BCCIP: variants seen among roughly 807,000 people sequenced by gnomAD.
BCCIP encodes the protein BRCA2 and CDKN1A interacting protein.
BCCIP carries 23 observed loss-of-function variants against 32.8 expected under a neutral mutation model. The observed-to-expected ratio is 0.70, with a 90% CI of 0.51 to 0.99. BCCIP has a LOEUF of 0.99. Among genes scored for constraint, BCCIP ranks in the 50% least tolerant of loss-of-function variants. The pLI, the probability that BCCIP is intolerant of heterozygous loss-of-function variation, is 0.00. For synonymous variants in BCCIP, 144 were observed against 137.6 expected (o/e 1.05, Z -0.33); for missense variants, 378 against 379.8 (o/e 1.00, Z 0.04).
chr10:125,850,398 C>T (rs1254441697), intron 7 of BCCIP, among the ~76,000 whole-genome samples: 1 of 142,450 alleles, frequency 7.0e-6, no homozygotes, highest in Non-Finnish European at 1.5e-5. Context: ...GCTCTTGTTG[C>T]CCAGGCTGCA....
exon 8 of BCCIP, chr10:125,853,312 T>C (rs1489579119): frequency 2.3e-6 from 2 of 854,762 alleles, no homozygotes; most frequent in African/African-American, 1.7e-5. Flanking sequence ...CTAGTAATGG[T>C]AAATTAGTCA....
chr10:125,850,111 G>A (rs1388860559), intron 7 of BCCIP, among the ~76,000 whole-genome samples: 8 of 149,666 alleles, frequency 5.3e-5, no homozygotes, highest in Admixed American at 2.0e-4. Flanking sequence ...TACTACAGGC[G>A]TATGCCACCA....
chr10:125,835,699 C>G (rs1038727298), intron 6 of BCCIP, among the ~76,000 whole-genome samples: 1 of 152,142 alleles, frequency 6.6e-6, no homozygotes, highest in African/African-American at 2.4e-5. Flanking sequence ...TTTACTCTGT[C>G]TTCACACAAA....
At chr10:125,827,663 C>T in intron 3 of BCCIP, 25 bp downstream of exon 3, 1 of 1,510,568 alleles carries the variant, frequency 6.6e-7, no homozygotes, top group Non-Finnish European at 9.2e-7. Flanking sequence ...TGTGTTTATT[C>T]TGATTAAATG....
chr10:125,825,004 C>T (rs144382096), intron 1 of BCCIP, among the ~76,000 whole-genome samples: 70 of 152,314 alleles, frequency 4.6e-4, no homozygotes, highest in African/African-American at 1.4e-3. Flanking sequence ...GATCAATCTT[C>T]CTTCCCTTAC....
intron 1 of BCCIP, chr10:125,826,196 T>C: frequency 5.0e-6 from 1 of 198,270 alleles, no homozygotes. Context: ...AACCTTTTCA[T>C]CTTGAGTGCC....
At chr10:125,826,381 C>T (rs1008158537) in intron 1 of BCCIP, 48 of 661,996 alleles carry the variant, frequency 7.3e-5, no homozygotes, top group East Asian at 1.1e-4. Flanking sequence ...TTGTGGCTGC[C>T]GTGTCTGGTT....
exon 7 of BCCIP, chr10:125,842,056 T>C: frequency 1.6e-6 from 2 of 1,259,728 alleles, no homozygotes; most frequent in Non-Finnish European, 2.1e-6. Flanking sequence ...GAAACAACGG[T>C]TTGCAAGCCA....
chr10:125,835,098 A>C (rs1372285615), intron 6 of BCCIP, among the ~76,000 whole-genome samples: 1 of 151,452 alleles, frequency 6.6e-6, no homozygotes, highest in Non-Finnish European at 1.5e-5. Flanking sequence ...GCGCCACTGC[A>C]CTCCAGCCTG....
At chr10:125,828,987 C>G (rs375717320) in intron 3 of BCCIP, among the ~76,000 whole-genome samples, 2 of 152,198 alleles carry the variant, frequency 1.3e-5, no homozygotes, top group East Asian at 3.8e-4. Context: ...CAAGAGCAAG[C>G]TGCCCAAAAG....
chr10:125,849,668 G>A (rs979367813), intron 7 of BCCIP, among the ~76,000 whole-genome samples: 4 of 152,196 alleles, frequency 2.6e-5, no homozygotes, highest in African/African-American at 9.7e-5. Context: ...CAGAGCTATG[G>A]GGAGGGCCAC....
At chr10:125,839,819 A>G (rs1343832523), downstream of BCCIP, among the ~76,000 whole-genome samples, 3 of 152,148 alleles carry the variant, frequency 2.0e-5, no homozygotes, top group Non-Finnish European at 2.9e-5. Context: ...GGGAATGTAC[A>G]TGGCCATGGC....
intron 4 of BCCIP, 26 bp downstream of exon 4, chr10:125,830,677 A>G: frequency 6.9e-7 from 1 of 1,451,568 alleles, no homozygotes. Context: ...TGGCATCTGA[A>G]TGGTTATTTC....
chr10:125,840,820 A>C, downstream of BCCIP: 3 of 1,545,936 alleles, frequency 1.9e-6, no homozygotes, highest in Non-Finnish European at 2.6e-6. Flanking sequence ...GGTGGAATTA[A>C]TAGGTAGTTT....
intron 2 of BCCIP, among the ~76,000 whole-genome samples, chr10:125,827,103 C>T (rs1266572530): frequency 1.3e-5 from 2 of 150,986 alleles, no homozygotes; most frequent in African/African-American, 4.9e-5. Flanking sequence ...GAATTATTTC[C>T]TTTCATCTGC....
chr10:125,853,180 A>G (rs750577801), exon 8 of BCCIP: 3 of 1,613,370 alleles, frequency 1.9e-6, no homozygotes, highest in South Asian at 1.1e-5. Context: ...GACTAATTCA[A>G]TCAAGATCAA....
chr10:125,839,911 C>T (rs559054567), downstream of BCCIP, among the ~76,000 whole-genome samples: 1 of 152,166 alleles, frequency 6.6e-6, no homozygotes, highest in Non-Finnish European at 1.5e-5. Flanking sequence ...TTAGTGTCAC[C>T]CATTCAGCAT....
At chr10:125,834,082 A>C in intron 6 of BCCIP, 136 bp downstream of exon 6, 2 of 940,280 alleles carry the variant, frequency 2.1e-6, no homozygotes, top group Non-Finnish European at 3.2e-6. Flanking sequence ...TCCCCACAGG[A>C]CCTAGCAGCT....
intron 1 of BCCIP, chr10:125,826,289 G>A (rs1225422948): frequency 5.8e-6 from 2 of 341,940 alleles, no homozygotes; most frequent in Non-Finnish European, 1.1e-5. Context: ...CATGGGCTAA[G>A]TCAAGCTCTA....
Sources: allele counts gnomAD v4.1 joint callset (sites outside exome capture counted in the v4.1 genomes callset), GRCh38; gene constraint gnomAD v4.1.1; transcripts MANE v1.5; gene names NCBI Gene and HGNC (gene_info 2026-07-23, HGNC 2026-07-21).